Variants in CREM observed in about 807,000 individuals in gnomAD.
The protein encoded by CREM is cAMP responsive element modulator.
CREM carries 13 observed loss-of-function variants against 37.3 expected under a neutral mutation model. The observed-to-expected ratio is 0.35, with a 90% confidence interval of 0.23 to 0.55. The LOEUF (loss-of-function observed/expected upper bound fraction) is 0.55. Among genes scored for constraint, CREM ranks in the 20% least tolerant of loss-of-function variants. The probability of loss-of-function intolerance (pLI) is 0.88; values close to 1 mark genes in which losing one functional copy is unlikely to be tolerated. For missense variants in CREM, 296 were observed against 362.3 expected (o/e 0.82, Z 1.49); for synonymous variants, 124 against 120.2 (o/e 1.03, Z -0.21).
chr10:35,134,776 G>A (rs2090149558), intron 1 of CREM, among the ~76,000 whole-genome samples: 1 of 152,138 alleles, frequency 6.6e-6, no homozygotes, highest in South Asian at 2.1e-4. Flanking sequence ...GATGGCTCAA[G>A]CCTGTAATCC....
chr10:35,157,625 G>T (rs2092997582), intron 3 of CREM, among the ~76,000 whole-genome samples: 1 of 127,574 alleles, frequency 7.8e-6, no homozygotes, highest in South Asian at 2.5e-4. Flanking sequence ...TGCAGAGCCA[G>T]ACCCTGTCTC....
chr10:35,155,993 G>A (rs2092885210), intron 3 of CREM, among the ~76,000 whole-genome samples: 1 of 150,162 alleles, frequency 6.7e-6, no homozygotes, highest in African/African-American at 2.5e-5. Context: ...AGGCTGGAGT[G>A]CAGTGGCGCG....
chr10:35,203,083 CT>C (rs1447808006), intron 6 of CREM, among the ~76,000 whole-genome samples: 1 of 151,380 alleles, frequency 6.6e-6, no homozygotes, highest in Non-Finnish European at 1.5e-5. Flanking sequence ...GAGACAGGGT[CT>C]TACTCTGTCG....
chr10:35,180,520 C>G (rs2094308905), intron 5 of CREM, among the ~76,000 whole-genome samples: 1 of 152,162 alleles, frequency 6.6e-6, no homozygotes, highest in African/African-American at 2.4e-5. Flanking sequence ...GAGGGGAACT[C>G]CTACCATGAT....
chr10:35,158,352 A>C (rs1483122939), intron 3 of CREM: 1 of 219,506 alleles, frequency 4.6e-6, no homozygotes, highest in African/African-American at 2.4e-5. Context: ...CAGACCGAGA[A>C]GCAGGCTGCT....
At chr10:35,183,240 A>G (rs2094427217) in intron 5 of CREM, among the ~76,000 whole-genome samples, 1 of 152,164 alleles carries the variant, frequency 6.6e-6, no homozygotes, top group Non-Finnish European at 1.5e-5. Flanking sequence ...AAGTGGGTCA[A>G]TCTAAACTGC....
chr10:35,131,208 C>T (rs1272964486), intron 1 of CREM, among the ~76,000 whole-genome samples: 3 of 152,056 alleles, frequency 2.0e-5, no homozygotes, highest in Non-Finnish European at 4.4e-5. Context: ...ATAACCAGGC[C>T]ATTTAAATAT....
At chr10:35,193,450 A>G (rs773238446) in intron 6 of CREM, among the ~76,000 whole-genome samples, 1 of 152,026 alleles carries the variant, frequency 6.6e-6, no homozygotes, top group African/African-American at 2.4e-5. Flanking sequence ...TCAATTTCTT[A>G]TTGATTTTCT....
intron 2 of CREM, among the ~76,000 whole-genome samples, chr10:35,139,517 T>G (rs904802473): frequency 2.6e-5 from 4 of 152,208 alleles, no homozygotes; most frequent in African/African-American, 9.6e-5. Flanking sequence ...AGTGGACTTG[T>G]TTGTTTTCGT....
chr10:35,148,591 C>A, intron 3 of CREM, 100 bp downstream of exon 3: 4 of 1,287,948 alleles, frequency 3.1e-6, no homozygotes, highest in Non-Finnish European at 4.3e-6. Flanking sequence ...TTTCCATGTT[C>A]CCTGGTTATC....
In CREM at chr10:35,150,451, T is replaced by G. The variant is rs376819751; in HGVS notation, c.168+1960T>G. Among the ~76,000 whole-genome samples, 9 of 152,152 alleles carry G rather than the reference T, an allele frequency of 5.9e-5. No individual in the cohort carries two copies. In the East Asian group the frequency reaches 1.2e-3, roughly 20 times the overall value. ...TGAAGTCCCAGCAATAGATTTCCAT[T>G]ATCTAAATATGGTAATTTGCAATTC... On this transcript the variant is annotated intron_variant, in intron 3 of 7. Transcript: ENST00000685392.
Position 35,179,185 on chromosome 10 carries a change from A to G in CREM, c.318A>G (p.Glu106=), listed in dbSNP as rs375260525. Residue 106 remains glutamate, a synonymous_variant, in exon 5 of 8, where the codon GAA becomes GAG. Coordinates refer to ENST00000685392, the MANE Select transcript of CREM (RefSeq NM_183011.2). The part of the protein sequence containing the change: ...SSDVPGVPKI[E]EERSEEEGTP... Reference sequence around the variant, plus strand: ...ATGTGCCTGGTGTTCCCAAGATTGAAGAAGAGAGATCAGAGGAAGAAGGAA... The same window carrying G: ...ATGTGCCTGGTGTTCCCAAGATTGAGGAAGAGAGATCAGAGGAAGAAGGAA... The G allele has an allele frequency of 1.5e-5, 25 of 1,613,926 alleles. No homozygotes were observed. In the African/African-American group the frequency reaches 2.4e-4, roughly 16 times the overall value.
chr10:35,193,128 G>C (rs774306760), intron 6 of CREM, among the ~76,000 whole-genome samples: 46 of 152,260 alleles, frequency 3.0e-4, no homozygotes, highest in Middle Eastern at 3.4e-3. Context: ...ATATCATGTT[G>C]TGTTGTGGCT....
intron 2 of CREM, among the ~76,000 whole-genome samples, chr10:35,140,652 T>C (rs1286020068): frequency 3.9e-5 from 6 of 152,200 alleles, no homozygotes; most frequent in Admixed American, 2.0e-4. Context: ...ACAAGTGTTA[T>C]AACAGACTTG....
rs778863868 is a variant in CREM, at chr10:35,206,890, T to C, written c.599-5T>C. On this transcript the variant is annotated splice_region_variant and splice_polypyrimidine_tract_variant and intron_variant, in intron 6 of 7. Coordinates refer to ENST00000685392, the MANE Select transcript of CREM (RefSeq NM_183011.2). ...ATAAGCTCAAAATATTTTGTTTTAC[T>C]GCAGCTGCCACTGGTGACATGCCAA... 1 of 1,613,266 alleles carries C rather than the reference T, an allele frequency of 6.2e-7. No homozygotes were observed. The highest frequency in any genetic ancestry group is 8.5e-7 in the Non-Finnish European group (1 of 1,179,826).
At chr10:35,178,587 A>G (rs1276725804) in intron 3 of CREM, among the ~76,000 whole-genome samples, 1 of 150,326 alleles carries the variant, frequency 6.7e-6, no homozygotes, top group African/African-American at 2.5e-5. Context: ...GGTATTTTAC[A>G]TTTTGTTCTT....
At chr10:35,147,227 G>T (rs1174505374) in intron 2 of CREM, among the ~76,000 whole-genome samples, 1 of 151,152 alleles carries the variant, frequency 6.6e-6, no homozygotes, top group Non-Finnish European at 1.5e-5. Flanking sequence ...CTAATTTTTC[G>T]TATTTTTAGT....
chr10:35,168,959 C>G (rs2093678525), intron 3 of CREM, among the ~76,000 whole-genome samples: 1 of 152,056 alleles, frequency 6.6e-6, no homozygotes, highest in Non-Finnish European at 1.5e-5. Context: ...CGGTCTGTAT[C>G]TTTGTTTTGG....
intron 5 of CREM, 150 bp from the exon 6 acceptor site, chr10:35,188,049 CT>C (rs2094728172): frequency 1.4e-6 from 1 of 710,248 alleles, no homozygotes; most frequent in Non-Finnish European, 2.3e-6. Flanking sequence ...CATGACGAAG[CT>C]GATCTTCCTT....
Sources: allele counts gnomAD v4.1 joint callset (sites outside exome capture counted in the v4.1 genomes callset), GRCh38; gene constraint gnomAD v4.1.1; transcripts MANE v1.5; gene names NCBI Gene and HGNC (gene_info 2026-07-23, HGNC 2026-07-21).